VANGL1: variants seen among roughly 807,000 people sequenced by gnomAD.
VANGL1 encodes the protein vang-like protein 1.
Under a neutral mutation model 48.4 loss-of-function variants are expected in VANGL1, and 18 were observed. That is an observed-to-expected ratio of 0.37 (90% CI 0.26 to 0.55). VANGL1 has a LOEUF of 0.55. Among genes scored for constraint, VANGL1 ranks in the 20% least tolerant of loss-of-function variants. The pLI is 0.81. For synonymous variants in VANGL1, 257 were observed against 261.8 expected (o/e 0.98, Z 0.18); for missense variants, 667 against 675.8 (o/e 0.99, Z 0.14).
At chr1:115,646,282 A>G (rs546621926) in intron 1 of VANGL1, among the ~76,000 whole-genome samples, 26 of 152,026 alleles carry the variant, frequency 1.7e-4, no homozygotes, top group Admixed American at 6.6e-4. Context: ...CCTGCATGCA[A>G]TGTGGTTCAA....
In VANGL1 at chr1:115,691,345, T is replaced by C; in HGVS notation, c.1541T>C (p.Phe514Ser). ...EEFIDPKSHK[F>S]VLRLQSETSV ...TTCATAGACCCCAAATCTCACAAAT[T>C]TGTCCTTCGCTTACAGTCTGAGACA... is the stretch of plus-strand genomic sequence containing the variant. Residue 514 changes from phenylalanine to serine, a missense_variant, in exon 8 of 8, where the codon TTT becomes TCT. Physicochemically the swap from Phe to Ser is radical, Grantham distance 155 (BLOSUM62 -2). Coordinates refer to ENST00000355485, the MANE Select transcript of VANGL1 (RefSeq NM_138959.3). 6.2e-7 allele frequency: 1 copy of C among 1,614,134 alleles called. No homozygotes were observed. The highest frequency in any genetic ancestry group is 8.5e-7 in the Non-Finnish European group (1 of 1,180,032).
At chr1:115,652,170 G>C (rs1201028890) in intron 2 of VANGL1, among the ~76,000 whole-genome samples, 1 of 152,180 alleles carries the variant, frequency 6.6e-6, no homozygotes, top group Admixed American at 6.5e-5. Flanking sequence ...TGGTAGGATT[G>C]TCCTGGCACC....
intron 2 of VANGL1, among the ~76,000 whole-genome samples, chr1:115,653,195 A>G (rs1406439362): frequency 1.3e-5 from 2 of 152,122 alleles, no homozygotes; most frequent in Non-Finnish European, 1.5e-5. Context: ...TTTGGGGAAA[A>G]CATGTCAGCG....
chr1:115,658,408 C>A (rs1191364350), intron 2 of VANGL1, among the ~76,000 whole-genome samples: 1 of 152,220 alleles, frequency 6.6e-6, no homozygotes, highest in Non-Finnish European at 1.5e-5. Context: ...CAATCATAGC[C>A]ACTGTGCATT....
At chr1:115,663,592 G>T in intron 3 of VANGL1, 69 bp from the exon 4 acceptor site, 1 of 1,609,824 alleles carries the variant, frequency 6.2e-7, no homozygotes, top group South Asian at 1.1e-5. Context: ...GGCCCTGCAT[G>T]TTCACTGCCC....
Position 115,651,325 on chromosome 1 carries a change from T to G in VANGL1, c.-89T>G. On this transcript the variant is annotated 5_prime_UTR_variant, in exon 2 of 8. Transcript: ENST00000355485. ...CTCCTCTTCTAATTTCCAGACTCCT[T>G]GAGGTTTTAGGAGTCTGGTAGGTGA... is the stretch of plus-strand genomic sequence containing the variant. 2.6e-6 allele frequency: 3 copies of G among 1,134,360 alleles called. No homozygotes were observed. Among genetic ancestry groups the G allele is most frequent in the Non-Finnish European group, 3.9e-6 (3 of 760,932 alleles). 70.3% of individuals were successfully genotyped at this position (1,134,360 alleles called of 1,614,324 possible).
intron 3 of VANGL1, among the ~76,000 whole-genome samples, chr1:115,662,627 T>G (rs1012839941): frequency 9.2e-5 from 14 of 152,326 alleles, no homozygotes; most frequent in African/African-American, 3.4e-4. Context: ...ATGCCCTTGA[T>G]GTTTAGTTCC....
intron 2 of VANGL1, 78 bp downstream of exon 2, chr1:115,651,562 C>A: frequency 8.0e-7 from 1 of 1,253,998 alleles, no homozygotes; most frequent in South Asian, 1.2e-5. Flanking sequence ...ACTCACTTTT[C>A]AGTGACTCAG....
At chr1:115,688,402 AT>A (rs1653716892) in intron 7 of VANGL1, among the ~76,000 whole-genome samples, 2 of 139,092 alleles carry the variant, frequency 1.4e-5, no homozygotes, top group African/African-American at 5.4e-5. Flanking sequence ...ATGCCCTGTT[AT>A]TTATGTATCA....
chr1:115,674,032 C>T (rs1653078559), intron 4 of VANGL1, among the ~76,000 whole-genome samples: 1 of 152,140 alleles, frequency 6.6e-6, no homozygotes, highest in Non-Finnish European at 1.5e-5. Context: ...CACTATTTGC[C>T]ACTACGGGTT....
At chr1:115,671,175 GGGCCCCT>G (rs1553188406) in intron 4 of VANGL1, 1 of 152,412 alleles carries the variant, frequency 6.6e-6, no homozygotes, top group Non-Finnish European at 1.5e-5. Context: ...GGTCTCCTGA[GGGCCCCT>G]GGCCCCTGGG....
rs1268860350 is a variant in VANGL1, at chr1:115,691,152, A to C, written c.1348A>C (p.Thr450Pro). The C allele has an allele frequency of 1.2e-6, 2 of 1,613,918 alleles. No homozygotes were observed. Among genetic ancestry groups the C allele is most frequent in the Non-Finnish European group, 1.7e-6 (2 of 1,180,020 alleles). ...AGAACGGTACCTCAGTGCGGGCCCC[A>C]CCCTGCAATATGACAAGGACCGCTG... ...FLERYLSAGPTLQYDKDRWLS... is the reference protein window; with the variant it reads ...FLERYLSAGPPLQYDKDRWLS... Residue 450 changes from threonine (T) to proline (P), a missense_variant, in exon 8 of 8, where the codon ACC becomes CCC. By Grantham distance (38) the Thr-to-Pro change is conservative. Coordinates refer to ENST00000355485, the MANE Select transcript of VANGL1 (RefSeq NM_138959.3).
chr1:115,661,562 C>G (rs547461432), intron 3 of VANGL1, among the ~76,000 whole-genome samples: 2 of 149,038 alleles, frequency 1.3e-5, no homozygotes, highest in Non-Finnish European at 3.0e-5. Context: ...TTGTATCAGT[C>G]TACCACAATT....
chr1:115,683,160 A>AT (rs61197171), intron 5 of VANGL1, among the ~76,000 whole-genome samples: 59 of 151,636 alleles, frequency 3.9e-4, no homozygotes, highest in African/African-American at 1.0e-3. Flanking sequence ...TTGTTTGTTC[A>AT]TTTTTTTTTG....
In VANGL1 at chr1:115,698,046, G is replaced by T. The variant is rs1654091422; in HGVS notation, c.*6667G>T. The T allele has an allele frequency of 6.6e-6, 1 of 152,178 alleles. No homozygotes were observed. Among genetic ancestry groups the T allele is most frequent in the African/African-American group, 2.4e-5 (1 of 41,440 alleles). 9.4% of individuals were successfully genotyped at this position (152,178 alleles called of 1,614,324 possible). A position where few individuals can be genotyped will look rare whatever the true frequency, so the allele number is the denominator to read the frequency against. On this transcript the variant is annotated 3_prime_UTR_variant, in exon 8 of 8. Transcript: ENST00000355485. ...TTATGCTATGAAACTTCTTCTCATT[G>T]TGATGTCAGTAACAGAGTTAGTGTC... is the stretch of plus-strand genomic sequence containing the variant.
intron 5 of VANGL1, 45 bp downstream of exon 5, chr1:115,682,542 T>A: frequency 1.2e-6 from 2 of 1,613,908 alleles, no homozygotes; most frequent in Non-Finnish European, 8.5e-7. Context: ...AGGGGCACAG[T>A]TGGGTGACTA....
At chr1:115,658,924 T>C (rs1203256469) in intron 2 of VANGL1, among the ~76,000 whole-genome samples, 1 of 151,646 alleles carries the variant, frequency 6.6e-6, no homozygotes, top group Non-Finnish European at 1.5e-5. Context: ...CCTCAGGAGG[T>C]CTGAAACCCT....
In VANGL1 at chr1:115,691,762, C is replaced by G. The variant is rs75277108; in HGVS notation, c.*383C>G. On this transcript the variant is annotated 3_prime_UTR_variant, in exon 8 of 8. Transcript: ENST00000355485. ...AGCCCACTTGTAGACTTCCAGGGGA[C>G]ACATCTTTATTCTGTTTCAGGAAAC... is the stretch of plus-strand genomic sequence containing the variant. 2.0e-3 allele frequency: 406 copies of G among 206,118 alleles called. 8 individuals are homozygous for G. In the East Asian group the frequency reaches 0.046, roughly 23 times the overall value. 12.8% of individuals were successfully genotyped at this position (206,118 alleles called of 1,614,324 possible).
Position 115,663,759 on chromosome 1 carries a change from C to G in VANGL1, c.303C>G (p.Asp101Glu). 1 of 1,614,234 alleles carries G rather than the reference C, an allele frequency of 6.2e-7. No individual in the cohort carries two copies. Reference sequence around the variant, plus strand: ...CCAGGATCAGCAAGGACATGGAGGACAGCGTGGGGCTGGATTGCAAACGCT... The same window carrying G: ...CCAGGATCAGCAAGGACATGGAGGAGAGCGTGGGGCTGGATTGCAAACGCT... The part of the protein sequence containing the change: ...DIARISKDME[D>E]SVGLDCKRYL... Residue 101 changes from aspartate to glutamate, a missense_variant, in exon 4 of 8, where the codon GAC (aspartate) becomes GAG (glutamate). Asp to Glu is a conservative substitution (Grantham distance 45). Transcript: ENST00000355485.
Sources: gnomAD v4.1 joint callset for allele counts (sites outside exome capture counted in the v4.1 genomes callset) on GRCh38, gnomAD v4.1.1 for gene constraint, MANE v1.5 for transcripts, NCBI Gene and HGNC (gene_info 2026-07-23, HGNC 2026-07-21) for gene names.